APTX: variants seen among roughly 807,000 people sequenced by gnomAD.
APTX encodes forkhead-associated domain histidine triad-like protein.
In APTX, 33 loss-of-function variants were observed where a neutral mutation model predicts 42.3. The observed-to-expected ratio is 0.78, with a 90% CI of 0.59 to 1.04. The LOEUF (loss-of-function observed/expected upper bound fraction) is 1.04. Ranked by LOEUF, APTX falls within the 50% of genes least tolerant of loss-of-function variation. The pLI, the probability that APTX is intolerant of heterozygous loss-of-function variation, is 0.00. For synonymous variants in APTX, 130 were observed against 146.7 expected (o/e 0.89, Z 0.82); for missense variants, 421 against 415.1 (o/e 1.01, Z -0.12).
At position 33,020,358 on chromosome 9, in the gene APTX, C is replaced by T. The variant is rs567865551; in HGVS notation, c.-5+4665G>A. Among the ~76,000 whole-genome samples the T allele has an allele frequency of 3.3e-5, 5 of 152,322 alleles. No homozygotes were observed. In the East Asian group the frequency reaches 9.6e-4, roughly 29 times the overall value. On this transcript the variant is annotated intron_variant, in intron 1 of 6. Transcript: ENST00000436040. Reference sequence around the variant, plus strand: ...CCTCCTCCCTACCTCTGCATCAAGTCATCATGACTCTACCTGAAGACTTTA... The same window carrying T: ...CCTCCTCCCTACCTCTGCATCAAGTTATCATGACTCTACCTGAAGACTTTA...
intron 1 of APTX, among the ~76,000 whole-genome samples, chr9:32,996,926 A>T (rs980900652): frequency 1.3e-5 from 2 of 152,230 alleles, no homozygotes; most frequent in Non-Finnish European, 2.9e-5. Context: ...TGTGCTAGGC[A>T]CTATGCTAAA....
At chr9:33,002,963 G>A (rs1271275092), upstream of APTX, among the ~76,000 whole-genome samples, 1 of 152,140 alleles carries the variant, frequency 6.6e-6, no homozygotes, top group Non-Finnish European at 1.5e-5. Context: ...TTTATATTAG[G>A]GTCATATAAG....
rs201404706 is a variant in APTX at position 32,986,060 on chromosome 9, A to C, written c.484-30T>G. 1.3e-3 allele frequency: 1,928 copies of C among 1,442,028 alleles called. 33 individuals are homozygous for C. The South Asian group carries it at 0.018, about 13-fold the overall frequency. The allele number at this position is 1,442,028 out of a possible 1,614,324, so 89.3% of individuals were successfully genotyped here. On this transcript the variant is annotated intron_variant, in intron 4 of 7. Coordinates refer to ENST00000379817, the MANE Select transcript of APTX (RefSeq NM_001195248.2). ...AAAAAAAACAAAAAAAAAAACAAAA[A>C]AAAAAAAAAACAAGCAATGTAAATT...
Position 32,972,845 on chromosome 9 carries a change from C to G in APTX, c.*653G>C, listed in dbSNP as rs1317805330. On this transcript the variant is annotated 3_prime_UTR_variant, in exon 8 of 8. Transcript: ENST00000379817. The stretch of plus-strand genomic sequence containing the variant: ...CATGACGAACATGTGGCTGTTTCCT[C>G]ACAGCCAGGAACCCTCGGTATTAGA... The G allele has an allele frequency of 2.2e-6, 1 of 454,022 alleles. No homozygotes were observed. The highest frequency in any genetic ancestry group is 4.4e-6 in the Non-Finnish European group (1 of 226,806). The allele number at this position is 454,022 out of a possible 1,614,324, so 28.1% of individuals were successfully genotyped here.
intron 4 of APTX, 87 bp from the exon 5 acceptor site, chr9:32,986,117 T>A: frequency 8.2e-7 from 1 of 1,225,854 alleles, no homozygotes; most frequent in Non-Finnish European, 1.2e-6. Context: ...TGGCAACAGT[T>A]AATACTGTGT....
chr9:33,007,001 A>AAAAAAAAAAAAT, intron 1 of APTX, among the ~76,000 whole-genome samples: 1 of 25,492 alleles, frequency 3.9e-5, no homozygotes, highest in Non-Finnish European at 8.5e-5. Context: ...CTCTGTCTCA[A>AAAAAAAAAAAAT]AAAAAAAAAA....
intron 4 of APTX, among the ~76,000 whole-genome samples, chr9:32,986,659 G>A (rs1257781433): frequency 2.6e-5 from 4 of 151,340 alleles, no homozygotes; most frequent in East Asian, 1.9e-4. Flanking sequence ...GCACCACCAC[G>A]CCCAGCTAAT....
At chr9:33,000,641 A>AG (rs1836103318) in intron 1 of APTX, among the ~76,000 whole-genome samples, 1 of 147,280 alleles carries the variant, frequency 6.8e-6, no homozygotes, top group African/African-American at 2.5e-5. Context: ...AAAAAAAAAA[A>AG]AAAAAAGAAA....
chr9:32,983,767 C>G (rs981878755), intron 6 of APTX, among the ~76,000 whole-genome samples: 2 of 152,040 alleles, frequency 1.3e-5, no homozygotes, highest in African/African-American at 4.8e-5. Flanking sequence ...CAAATATGTC[C>G]TTGTATGATT....
chr9:32,997,095 A>G (rs1361477539), intron 1 of APTX: 1 of 152,278 alleles, frequency 6.6e-6, no homozygotes, highest in Non-Finnish European at 1.5e-5. Context: ...ACTGCATCAT[A>G]TAACTTTTGG....
At chr9:33,015,953 G>A (rs1837871149) in intron 1 of APTX, 1 of 152,116 alleles carries the variant, frequency 6.6e-6, no homozygotes, top group Admixed American at 6.5e-5. Flanking sequence ...TCAAACTTAA[G>A]TTAGAATACA....
At chr9:33,005,382 ATGTTTAGGTCTTT>A (rs1837061544), upstream of APTX, among the ~76,000 whole-genome samples, 1 of 151,980 alleles carries the variant, frequency 6.6e-6, no homozygotes, top group South Asian at 2.1e-4. Flanking sequence ...TTTAGGTCTT[ATGTTTAGGTCTTT>A]GATCCATTTT....
chr9:33,011,636 T>A (rs1837551580), intron 1 of APTX, among the ~76,000 whole-genome samples: 1 of 152,204 alleles, frequency 6.6e-6, no homozygotes, highest in Admixed American at 6.5e-5. Context: ...GGCACCAGAA[T>A]CTTAAAGAGA....
intron 1 of APTX, among the ~76,000 whole-genome samples, chr9:33,008,576 G>A (rs1453058926): frequency 2.0e-5 from 3 of 147,988 alleles, no homozygotes; most frequent in South Asian, 2.1e-4. Flanking sequence ...TTTTGAGATG[G>A]AGTCTCACTC....
At chr9:33,000,123 G>A (rs890829895) in intron 1 of APTX, among the ~76,000 whole-genome samples, 2 of 152,114 alleles carry the variant, frequency 1.3e-5, no homozygotes, top group East Asian at 1.9e-4. Flanking sequence ...TGTGACTTGA[G>A]GCAAGTTATT....
intron 1 of APTX, among the ~76,000 whole-genome samples, chr9:32,996,278 CTT>C (rs112456184): frequency 2.8e-5 from 4 of 142,910 alleles, no homozygotes; most frequent in Non-Finnish European, 6.0e-5. Flanking sequence ...ATAAATCGCT[CTT>C]TTTTTTTTTT....
At chr9:33,020,658 C>T (rs1312786372) in intron 1 of APTX, among the ~76,000 whole-genome samples, 2 of 152,204 alleles carry the variant, frequency 1.3e-5, no homozygotes, top group South Asian at 4.1e-4. Context: ...AGAAAAGAAA[C>T]AAAAAGTCAG....
chr9:33,001,543 G>C, intron 1 of APTX, 24 bp downstream of exon 1: 1 of 1,613,654 alleles, frequency 6.2e-7, no homozygotes, highest in Non-Finnish European at 8.5e-7. Context: ...GCCAGCAGAA[G>C]AGATAGGCTG....
chr9:32,997,196 C>A (rs1005591632), intron 1 of APTX: 4 of 152,092 alleles, frequency 2.6e-5, no homozygotes, highest in African/African-American at 9.7e-5. Flanking sequence ...AATATATGAG[C>A]CCAGCCTTCA....
Sources: allele counts gnomAD v4.1 joint callset (sites outside exome capture counted in the v4.1 genomes callset), GRCh38; gene constraint gnomAD v4.1.1; transcripts MANE v1.5; gene names NCBI Gene and HGNC (gene_info 2026-07-23, HGNC 2026-07-21).